KIAA1217: variants seen among roughly 807,000 people sequenced by gnomAD.
KIAA1217 encodes the protein KIAA1217.
A neutral mutation model predicts 163.9 loss-of-function variants in KIAA1217; 88 were observed. The ratio of observed to expected loss-of-function variants is 0.54; its 90% CI spans 0.45 to 0.64. KIAA1217 has a LOEUF of 0.64. Among genes scored for constraint, KIAA1217 ranks in the 30% least tolerant of loss-of-function variants. The probability of loss-of-function intolerance (pLI) is 0.00; values close to 1 mark genes in which losing one functional copy is unlikely to be tolerated. For missense variants in KIAA1217, 2,372 were observed against 2,475.0 expected, an observed-to-expected ratio of 0.96 and a Z score of 0.88; for synonymous variants, 903 against 923.1, an observed-to-expected ratio of 0.98 and a Z score of 0.39.
chr10:24,463,046 T>TA (rs1428372680), intron 5 of KIAA1217, among the ~76,000 whole-genome samples: 2 of 152,176 alleles, frequency 1.3e-5, no homozygotes, highest in East Asian at 1.9e-4. Context: ...GCAAGTGGCA[T>TA]AAAAAAGATA....
intron 5 of KIAA1217, among the ~76,000 whole-genome samples, chr10:24,441,697 G>A (rs902382689): frequency 4.6e-5 from 7 of 152,230 alleles, no homozygotes; most frequent in African/African-American, 1.7e-4. Flanking sequence ...ATTTAATTGC[G>A]TGGCTTTTGT....
At chr10:24,254,898 G>T (rs1488372136) in intron 2 of KIAA1217, among the ~76,000 whole-genome samples, 1 of 150,826 alleles carries the variant, frequency 6.6e-6, no homozygotes, top group East Asian at 1.9e-4. Flanking sequence ...CTGTCACCCA[G>T]GCTGGAGTGC....
chr10:23,807,172 C>T (rs985719672), intron 1 of KIAA1217, among the ~76,000 whole-genome samples: 1 of 152,246 alleles, frequency 6.6e-6, no homozygotes. Flanking sequence ...GTGTTAGCTG[C>T]TCCTGTCTGC....
chr10:24,070,289 A>T lies in KIAA1217; in HGVS notation c.-171+62915A>T, dbSNP rs112787532. On this transcript the variant is annotated intron_variant, in intron 2 of 18. Coordinates refer to the KIAA1217 transcript ENST00000376462. The stretch of plus-strand genomic sequence containing the variant: ...TGGCTGAGACTATATCAGAATTGAT[A>T]AAAAAAAAAGAGATATTAATATCCA... Among the ~76,000 whole-genome samples, 207 of 122,358 alleles carry T rather than the reference A, an allele frequency of 1.7e-3. 1 individual carries two copies. The highest frequency in any genetic ancestry group is 8.2e-3 in the African/African-American group (195 of 23,774). The allele number at this position is 122,358 out of a possible 152,430, so 80.3% of individuals were successfully genotyped here. A position where few individuals can be genotyped will look rare whatever the true frequency, so the allele number is the denominator to read the frequency against.
intron 1 of KIAA1217, among the ~76,000 whole-genome samples, chr10:23,971,565 A>T (rs1454483920): frequency 6.6e-6 from 1 of 152,246 alleles, no homozygotes; most frequent in Non-Finnish European, 1.5e-5. Context: ...CAGTATTAAC[A>T]TTAAAACAGA....
At chr10:23,899,314 A>G (rs918876383) in intron 1 of KIAA1217, among the ~76,000 whole-genome samples, 1 of 152,100 alleles carries the variant, frequency 6.6e-6, no homozygotes, top group South Asian at 2.1e-4. Flanking sequence ...GTCTCACATC[A>G]TTGTCAGTAC....
intron 3 of KIAA1217, among the ~76,000 whole-genome samples, chr10:24,414,555 T>C (rs563309496): frequency 1.3e-5 from 2 of 152,266 alleles, no homozygotes; most frequent in East Asian, 3.9e-4. Flanking sequence ...GTCGTTTTGA[T>C]CATGAGGCAT....
intron 1 of KIAA1217, among the ~76,000 whole-genome samples, chr10:23,809,762 A>G (rs1341696478): frequency 2.6e-5 from 4 of 152,090 alleles, no homozygotes; most frequent in Non-Finnish European, 4.4e-5. Context: ...ATCACTTACA[A>G]TAGTATCAAA....
At chr10:23,995,887 G>A (rs908419428) in intron 1 of KIAA1217, among the ~76,000 whole-genome samples, 1 of 152,196 alleles carries the variant, frequency 6.6e-6, no homozygotes, top group Non-Finnish European at 1.5e-5. Flanking sequence ...TCTGAATCCT[G>A]GTCCCCAGTC....
intron 1 of KIAA1217, among the ~76,000 whole-genome samples, chr10:23,841,802 TAAGGGGACTCCC>T (rs1290523815): frequency 6.6e-6 from 1 of 151,996 alleles, no homozygotes; most frequent in African/African-American, 2.4e-5. Flanking sequence ...TTAGGTACCC[TAAGGGGACTCCC>T]ACACCATTGG....
At chr10:23,872,020 A>G (rs1840478374) in intron 1 of KIAA1217, among the ~76,000 whole-genome samples, 1 of 152,116 alleles carries the variant, frequency 6.6e-6, no homozygotes, top group Admixed American at 6.6e-5. Context: ...CTTTTCTGAG[A>G]AGATCAAGCG....
At chr10:23,867,292 A>G (rs1036211958) in intron 1 of KIAA1217, among the ~76,000 whole-genome samples, 2 of 151,946 alleles carry the variant, frequency 1.3e-5, no homozygotes, top group Non-Finnish European at 2.9e-5. Context: ...GCTATTGTGA[A>G]TAGTGCCGCA....
In KIAA1217 at chr10:23,773,446, G is replaced by A. The variant is rs544359925; in HGVS notation, c.-321+78212G>A. 2.6e-5 allele frequency among the ~76,000 whole-genome samples: 4 copies of A among 151,572 alleles called. No individual in the cohort carries two copies. The East Asian group carries it at 7.7e-4, about 29-fold the overall frequency. On this transcript the variant is annotated intron_variant, in intron 1 of 18. Transcript: ENST00000376462. Reference sequence around the variant, plus strand: ...GCTTAGGATTGACTTGGCGATGTGGGCTCTTTTTTGGTTCCATATGAACTT... The same window carrying A: ...GCTTAGGATTGACTTGGCGATGTGGACTCTTTTTTGGTTCCATATGAACTT...
intron 2 of KIAA1217, among the ~76,000 whole-genome samples, chr10:24,296,114 T>C (rs1208158680): frequency 6.6e-6 from 1 of 152,156 alleles, no homozygotes; most frequent in Non-Finnish European, 1.5e-5. Flanking sequence ...TTTTCTTTTT[T>C]CTTTTTGGAG....
chr10:24,294,574 A>G (rs1564421339), intron 2 of KIAA1217, among the ~76,000 whole-genome samples: 2 of 152,250 alleles, frequency 1.3e-5, no homozygotes, highest in Non-Finnish European at 1.5e-5. Context: ...GTATGCATTT[A>G]GTAAACACCA....
chr10:24,227,970 A>G (rs908690007), intron 2 of KIAA1217, among the ~76,000 whole-genome samples: 6 of 152,008 alleles, frequency 3.9e-5, no homozygotes, highest in African/African-American at 1.5e-4. Context: ...CCTCCTTTGA[A>G]TGTGTTTGTG....
chr10:24,538,825 C>T (rs1446220972), intron 17 of KIAA1217, among the ~76,000 whole-genome samples: 3 of 149,894 alleles, frequency 2.0e-5, no homozygotes, highest in Non-Finnish European at 4.4e-5. Flanking sequence ...ACCTCCGCCT[C>T]CCGGGTTCAA....
intron 1 of KIAA1217, among the ~76,000 whole-genome samples, chr10:23,871,391 C>A (rs922898249): frequency 2.8e-4 from 43 of 152,038 alleles, no homozygotes; most frequent in African/African-American, 9.7e-4. Flanking sequence ...TGGGGTCTTG[C>A]TCTTCTAAGG....
chr10:23,773,278 T>A (rs576867645), intron 1 of KIAA1217, among the ~76,000 whole-genome samples: 2 of 151,928 alleles, frequency 1.3e-5, no homozygotes, highest in African/African-American at 2.4e-5. Flanking sequence ...GTTGTAGATA[T>A]GCGGCGTTAT....
Sources: allele counts gnomAD v4.1 joint callset (sites outside exome capture counted in the v4.1 genomes callset), GRCh38; gene constraint gnomAD v4.1.1; transcripts MANE v1.5; gene names NCBI Gene and HGNC (gene_info 2026-07-23, HGNC 2026-07-21).